Variants in PHACTR1 observed in about 807,000 individuals in gnomAD.
The protein encoded by PHACTR1 is RPEL repeat containing 1.
Under a neutral mutation model 69.2 loss-of-function variants are expected in PHACTR1, and 16 were observed. That is an observed-to-expected ratio of 0.23 (90% CI 0.16 to 0.35). PHACTR1 has a LOEUF of 0.35. Among genes scored for constraint, PHACTR1 ranks in the 10% least tolerant of loss-of-function variants. The pLI is 1.00. For missense variants in PHACTR1, 510 were observed against 734.7 expected (o/e 0.69, Z 3.54); for synonymous variants, 312 against 284.5 (o/e 1.10, Z -0.97).
At chr6:12,813,113 G>A (rs1775207665) in intron 4 of PHACTR1, among the ~76,000 whole-genome samples, 1 of 151,980 alleles carries the variant, frequency 6.6e-6, no homozygotes, top group Non-Finnish European at 1.5e-5. Context: ...GTGGATCTTA[G>A]GTATTAAGGA....
At chr6:12,750,453 G>A (rs894607026) in intron 4 of PHACTR1, among the ~76,000 whole-genome samples, 1 of 151,340 alleles carries the variant, frequency 6.6e-6, no homozygotes, top group Non-Finnish European at 1.5e-5. Flanking sequence ...AGGGAAGATA[G>A]GGAGGAAAGG....
intron 4 of PHACTR1, among the ~76,000 whole-genome samples, chr6:13,028,701 G>A (rs1051382457): frequency 6.6e-6 from 1 of 152,178 alleles, no homozygotes; most frequent in Non-Finnish European, 1.5e-5. Flanking sequence ...CTAGATGCCA[G>A]TAGCACCCAC....
In PHACTR1 at chr6:13,022,278, C is replaced by A. The variant is rs528228339; in HGVS notation, c.251-31087C>A. On this transcript the variant is annotated intron_variant, in intron 4 of 14. Coordinates refer to ENST00000332995, the MANE Select transcript of PHACTR1 (RefSeq NM_030948.6). The stretch of plus-strand genomic sequence containing the variant: ...TAGAATGAGGAGGCCGAGGGGACCT[C>A]CGACGCCTCTACCTGCTTTTAAGTT... Among the ~76,000 whole-genome samples the A allele has an allele frequency of 2.7e-4, 41 of 152,334 alleles. 1 individual carries two copies. The highest frequency in any genetic ancestry group is 8.7e-4 in the African/African-American group (36 of 41,568).
chr6:13,156,598 C>T (rs1017072311), intron 5 of PHACTR1, among the ~76,000 whole-genome samples: 2 of 152,208 alleles, frequency 1.3e-5, no homozygotes, highest in Non-Finnish European at 2.9e-5. Context: ...TGCCACGTAG[C>T]ACATTCTCAT....
At chr6:12,882,484 A>G (rs1441226246) in intron 4 of PHACTR1, among the ~76,000 whole-genome samples, 1 of 151,914 alleles carries the variant, frequency 6.6e-6, no homozygotes, top group Non-Finnish European at 1.5e-5. Flanking sequence ...TACAAAAAAA[A>G]GAAGAAGAAG....
At chr6:12,873,305 A>T (rs1782237962) in intron 4 of PHACTR1, among the ~76,000 whole-genome samples, 1 of 152,156 alleles carries the variant, frequency 6.6e-6, no homozygotes, top group Non-Finnish European at 1.5e-5. Flanking sequence ...TCATAAGCCA[A>T]CTTGCCTGGC....
chr6:13,141,112 G>A (rs1370307093), intron 5 of PHACTR1, among the ~76,000 whole-genome samples: 1 of 152,132 alleles, frequency 6.6e-6, no homozygotes, highest in Non-Finnish European at 1.5e-5. Flanking sequence ...AAAGAAAATG[G>A]GTTTGACAGT....
intron 5 of PHACTR1, among the ~76,000 whole-genome samples, chr6:13,098,907 C>T (rs1391313608): frequency 6.6e-6 from 1 of 152,252 alleles, no homozygotes; most frequent in African/African-American, 2.4e-5. Context: ...ACGTGGGCAA[C>T]TGCAATCAAG....
At chr6:12,889,850 C>T (rs1487626764) in intron 4 of PHACTR1, among the ~76,000 whole-genome samples, 1 of 139,542 alleles carries the variant, frequency 7.2e-6, no homozygotes, top group East Asian at 2.2e-4. Context: ...AGATTGGAGT[C>T]AAGCTATCTG....
chr6:12,794,762 G>A (rs545972544), intron 4 of PHACTR1, among the ~76,000 whole-genome samples: 2 of 152,290 alleles, frequency 1.3e-5, no homozygotes, highest in East Asian at 1.9e-4. Flanking sequence ...GGTGTCTACT[G>A]TTTGTCTGGT....
intron 4 of PHACTR1, among the ~76,000 whole-genome samples, chr6:12,945,850 G>C (rs1306164151): frequency 6.6e-6 from 1 of 151,936 alleles, no homozygotes; most frequent in African/African-American, 2.4e-5. Flanking sequence ...TGGAGTCCCA[G>C]CTACTCAGGA....
At chr6:13,036,469 GT>G (rs1680538091) in intron 4 of PHACTR1, among the ~76,000 whole-genome samples, 1 of 152,092 alleles carries the variant, frequency 6.6e-6, no homozygotes, top group South Asian at 2.1e-4. Flanking sequence ...TCTTTTTACA[GT>G]ATTAAATACA....
chr6:12,737,489 TTA>T (rs1764433332), intron 3 of PHACTR1, among the ~76,000 whole-genome samples: 1 of 152,114 alleles, frequency 6.6e-6, no homozygotes, highest in South Asian at 2.1e-4. Context: ...GTGTGTATTT[TTA>T]TATGTGATTT....
chr6:13,060,375 G>A (rs985484661), intron 5 of PHACTR1, among the ~76,000 whole-genome samples: 2 of 152,140 alleles, frequency 1.3e-5, no homozygotes, highest in South Asian at 4.1e-4. Context: ...GATGGGTGAT[G>A]GAGGAAATCT....
intron 3 of PHACTR1, among the ~76,000 whole-genome samples, chr6:12,725,340 T>C (rs1052803835): frequency 1.3e-4 from 20 of 152,288 alleles, no homozygotes; most frequent in Middle Eastern, 3.4e-3. Flanking sequence ...TCAGGAACAG[T>C]AGTAACAAAC....
chr6:12,726,494 C>A (rs1168881387), intron 3 of PHACTR1, among the ~76,000 whole-genome samples: 1 of 152,192 alleles, frequency 6.6e-6, no homozygotes, highest in Non-Finnish European at 1.5e-5. Flanking sequence ...TAGTTACCAT[C>A]CCACTCACGC....
At chr6:12,976,031 C>G (rs1368947189) in intron 4 of PHACTR1, among the ~76,000 whole-genome samples, 1 of 152,102 alleles carries the variant, frequency 6.6e-6, no homozygotes, top group Non-Finnish European at 1.5e-5. Flanking sequence ...TCCTTTTCCC[C>G]CTTCTGAACT....
intron 4 of PHACTR1, among the ~76,000 whole-genome samples, chr6:12,921,276 C>A (rs1318211521): frequency 6.6e-6 from 1 of 152,122 alleles, no homozygotes; most frequent in Non-Finnish European, 1.5e-5. Context: ...TTGTTAGGAA[C>A]CAGCACAGGC....
intron 5 of PHACTR1, among the ~76,000 whole-genome samples, chr6:13,130,068 T>C (rs183170376): frequency 2.7e-4 from 41 of 152,186 alleles, no homozygotes; most frequent in Admixed American, 5.9e-4. Context: ...GGGTCAACAA[T>C]GAAATCAAGA....
Sources: gnomAD v4.1 joint callset for allele counts (sites outside exome capture counted in the v4.1 genomes callset) on GRCh38, gnomAD v4.1.1 for gene constraint, MANE v1.5 for transcripts, NCBI Gene and HGNC (gene_info 2026-07-23, HGNC 2026-07-21) for gene names.